The following ARHGAP39 variants were observed in gnomAD, a reference collection of about 807,000 sequenced individuals.
The protein encoded by ARHGAP39 is rho GTPase-activating protein 39.
Under a neutral mutation model 106.9 loss-of-function variants are expected in ARHGAP39, and 44 were observed. The observed-to-expected ratio is 0.41, with a 90% CI of 0.32 to 0.53. The LOEUF is 0.53. Ranked by LOEUF, ARHGAP39 falls within the 20% of genes least tolerant of loss-of-function variation. ARHGAP39 has a pLI of 0.21. For missense variants in ARHGAP39, 1,496 were observed against 1,577.3 expected, an observed-to-expected ratio of 0.95 and a Z score of 0.87; for synonymous variants, 768 against 693.2, an observed-to-expected ratio of 1.11 and a Z score of -1.69.
chr8:144,541,062 G>C (rs767525965), intron 6 of ARHGAP39, among the ~76,000 whole-genome samples: 8 of 152,314 alleles, frequency 5.3e-5, no homozygotes, highest in African/African-American at 1.7e-4. Flanking sequence ...ATGTTGGCCA[G>C]GCTGGTCTCG....
At chr8:144,611,138 T>G (rs117136674) in intron 1 of ARHGAP39, among the ~76,000 whole-genome samples, 3 of 152,244 alleles carry the variant, frequency 2.0e-5, no homozygotes, top group African/African-American at 4.8e-5. Flanking sequence ...TTTCTAACCT[T>G]TCTTTTGATT....
At chr8:144,677,310 C>T (rs1434069565) in intron 1 of ARHGAP39, among the ~76,000 whole-genome samples, 1 of 152,188 alleles carries the variant, frequency 6.6e-6, no homozygotes, top group African/African-American at 2.4e-5. Flanking sequence ...CAGTTTCCAA[C>T]TGAGACATTC....
At chr8:144,611,438 C>A (rs949059492) in intron 1 of ARHGAP39, among the ~76,000 whole-genome samples, 2 of 152,204 alleles carry the variant, frequency 1.3e-5, no homozygotes, top group African/African-American at 4.8e-5. Flanking sequence ...CACTGAGAAA[C>A]AGGTCAGGAG....
chr8:144,656,807 C>CAAAAAAA lies in ARHGAP39; in HGVS notation c.-82+28872_-82+28878dup, dbSNP rs35058065. On this transcript the variant is annotated intron_variant, in intron 1 of 11. Coordinates refer to ENST00000377307, the MANE Select transcript of ARHGAP39 (RefSeq NM_025251.3). ...TGGATGACAGAGCAAGACTCCATCT[C>CAAAAAAA]AAAAAAAAAAAAAAAAAAAAAAAAA... Among the ~76,000 whole-genome samples the CAAAAAAA allele has an allele frequency of 2.2e-3, 94 of 42,318 alleles. 7 individuals carry two copies. The highest frequency in any genetic ancestry group is 3.1e-3 in the Non-Finnish European group (75 of 24,214). The allele number at this position is 42,318 out of a possible 152,430, so 27.8% of individuals were successfully genotyped here.
At chr8:144,631,131 G>C (rs1254543303) in intron 1 of ARHGAP39, among the ~76,000 whole-genome samples, 2 of 152,222 alleles carry the variant, frequency 1.3e-5, no homozygotes, top group Admixed American at 6.5e-5. Context: ...ATGAGCCAGA[G>C]CCAGAGCTCA....
the ARHGAP39 span, among the ~76,000 whole-genome samples, chr8:144,697,099 C>T: frequency 5.4e-3 from 818 of 152,170 alleles, 8 homozygotes; most frequent in African/African-American, 0.019. Flanking sequence ...CCGAGGCAGG[C>T]GGATCACTTG....
At chr8:144,689,971 G>A (rs150282231), upstream of ARHGAP39, among the ~76,000 whole-genome samples, 1,320 of 148,794 alleles carry the variant, frequency 8.9e-3, 16 homozygotes, top group African/African-American at 0.031. Flanking sequence ...GGTCTCAAAC[G>A]CCCGACCTCA....
At chr8:144,599,286 G>A (rs1313040441) in intron 2 of ARHGAP39, among the ~76,000 whole-genome samples, 3 of 152,172 alleles carry the variant, frequency 2.0e-5, no homozygotes, top group Admixed American at 1.3e-4. Context: ...CAAGACTGAG[G>A]CACACACACA....
the ARHGAP39 span, among the ~76,000 whole-genome samples, chr8:144,694,247 G>A: frequency 6.6e-6 from 1 of 152,212 alleles, no homozygotes; most frequent in East Asian, 1.9e-4. Flanking sequence ...GGAGCAGCAA[G>A]AGCTGGAGCC....
In ARHGAP39 at chr8:144,530,566, G is replaced by A. The variant is rs1216425739; in HGVS notation, c.3201C>T (p.Asn1067=). 2 of 1,611,314 alleles carry A rather than the reference G, an allele frequency of 1.2e-6. No homozygotes were observed. Among genetic ancestry groups the A allele is most frequent in the Admixed American group, 3.3e-5 (2 of 59,876 alleles). Residue 1067 remains asparagine, a synonymous_variant, in exon 12 of 12, where the codon AAC becomes AAT. Coordinates refer to ENST00000377307, the MANE Select transcript of ARHGAP39 (RefSeq NM_025251.3). ...AGTTGGGCGCCATCACCATGGCCAG[G>A]TTGCTGACATCCATCTTGGTGACCG... ...NVAVTKMDVS[N]LAMVMAPNCL...
In ARHGAP39 at chr8:144,561,941, C is replaced by CACTCCAGTGGTTTCCATCGG. The variant is rs1564848925; in HGVS notation, c.513-6318_513-6299dup. On this transcript the variant is annotated intron_variant, in intron 3 of 11. Coordinates refer to ENST00000377307, the MANE Select transcript of ARHGAP39 (RefSeq NM_025251.3). ...CATCACACTCCAGTGGTTTCCATCACACTCCAGTGGTTTCCATCGGACTCC... is the reference window on the plus strand; with the variant it reads ...CATCACACTCCAGTGGTTTCCATCACACTCCAGTGGTTTCCATCGGACTCCAGTGGTTTCCATCGGACTCC... Among the ~76,000 whole-genome samples, 38 of 145,148 alleles carry CACTCCAGTGGTTTCCATCGG rather than the reference C, an allele frequency of 2.6e-4. 1 individual carries two copies. The highest frequency in any genetic ancestry group is 7.9e-4 in the African/African-American group (30 of 37,902).
At chr8:144,596,941 G>A (rs1162805402) in intron 2 of ARHGAP39, among the ~76,000 whole-genome samples, 2 of 152,186 alleles carry the variant, frequency 1.3e-5, no homozygotes, top group Non-Finnish European at 2.9e-5. Flanking sequence ...CAGGCACATC[G>A]TGCTCTCCTG....
chr8:144,542,091 G>A (rs1367712429), intron 6 of ARHGAP39, among the ~76,000 whole-genome samples: 1 of 152,110 alleles, frequency 6.6e-6, no homozygotes, highest in Non-Finnish European at 1.5e-5. Context: ...AGACCTTGTT[G>A]GATGCATGAA....
At chr8:144,545,097 G>T in intron 6 of ARHGAP39, 152 bp downstream of exon 6, 2 of 661,974 alleles carry the variant, frequency 3.0e-6, no homozygotes, top group Non-Finnish European at 4.5e-6. Flanking sequence ...TCCAGCAGAG[G>T]CCCAGAGTGT....
intron 2 of ARHGAP39, among the ~76,000 whole-genome samples, chr8:144,599,671 C>T (rs566815109): frequency 1.3e-5 from 2 of 152,194 alleles, no homozygotes; most frequent in East Asian, 3.9e-4. Flanking sequence ...ACAAAAAAAT[C>T]TCTAACTGAA....
intron 4 of ARHGAP39, among the ~76,000 whole-genome samples, chr8:144,550,911 G>A (rs1817666201): frequency 6.6e-6 from 1 of 152,232 alleles, no homozygotes; most frequent in East Asian, 1.9e-4. Context: ...TTGCTCTGTG[G>A]CTGCAAGGCT....
At chr8:144,682,303 A>G (rs554964037) in intron 1 of ARHGAP39, among the ~76,000 whole-genome samples, 195 of 145,538 alleles carry the variant, frequency 1.3e-3, no homozygotes, top group Non-Finnish European at 2.5e-3. Flanking sequence ...TAATCCCAGC[A>G]CTTTGGGAGG....
At chr8:144,595,901 G>C (rs986465699) in intron 2 of ARHGAP39, among the ~76,000 whole-genome samples, 8 of 152,152 alleles carry the variant, frequency 5.3e-5, no homozygotes, top group Admixed American at 4.6e-4. Context: ...TCTGCTCTTT[G>C]TTCCCAGATG....
chr8:144,643,634 C>T (rs1373063737), intron 1 of ARHGAP39, among the ~76,000 whole-genome samples: 2 of 152,116 alleles, frequency 1.3e-5, no homozygotes, highest in African/African-American at 2.4e-5. Flanking sequence ...TGCCTCCACT[C>T]GACTGAAATC....
Sources: gnomAD v4.1 joint callset for allele counts (sites outside exome capture counted in the v4.1 genomes callset) on GRCh38, gnomAD v4.1.1 for gene constraint, MANE v1.5 for transcripts, NCBI Gene and HGNC (gene_info 2026-07-23, HGNC 2026-07-21) for gene names.